ZW10: variants seen among roughly 807,000 people sequenced by gnomAD.
ZW10 encodes zw10 kinetochore protein, also known as centromere/kinetochore protein zw10 homolog.
In ZW10, 53 loss-of-function variants were observed where a neutral mutation model predicts 87.8. The ratio of observed to expected loss-of-function variants is 0.60; its 90% CI spans 0.48 to 0.76. The LOEUF is 0.76. Among genes scored for constraint, ZW10 ranks in the 30% least tolerant of loss-of-function variants. ZW10 has a pLI of 0.00. For synonymous variants in ZW10, 312 were observed against 329.2 expected (o/e 0.95, Z 0.57); for missense variants, 837 against 923.0 (o/e 0.91, Z 1.21).
At position 113,755,822 on chromosome 11, in the gene ZW10, C is replaced by G. The variant is rs1253573230; in HGVS notation, c.925+1840G>C. On this transcript the variant is annotated intron_variant, in intron 7 of 15. Transcript: ENST00000200135. ...CAGTCAGCAGCCATCAACATTGAGGCAAGACCCTTCACCAACAAAAAGATT... is the reference window on the plus strand; with the variant it reads ...CAGTCAGCAGCCATCAACATTGAGGGAAGACCCTTCACCAACAAAAAGATT... Among the ~76,000 whole-genome samples, 3 of 152,286 alleles carry G rather than the reference C, an allele frequency of 2.0e-5. No individual in the cohort carries two copies. The South Asian group carries it at 6.2e-4, about 32-fold the overall frequency.
chr11:113,741,449 G>A (rs1206847611), intron 11 of ZW10, among the ~76,000 whole-genome samples: 2 of 152,144 alleles, frequency 1.3e-5, no homozygotes, highest in Non-Finnish European at 2.9e-5. Flanking sequence ...AGCAAAACAA[G>A]GTAGTTCTTT....
At chr11:113,755,199 G>C (rs1156580343) in intron 7 of ZW10, among the ~76,000 whole-genome samples, 1 of 152,136 alleles carries the variant, frequency 6.6e-6, no homozygotes, top group Non-Finnish European at 1.5e-5. Context: ...TCCTCTGATG[G>C]ATCTGAGCAA....
At chr11:113,761,551 G>A (rs1032112791) in intron 2 of ZW10, among the ~76,000 whole-genome samples, 1 of 152,136 alleles carries the variant, frequency 6.6e-6, no homozygotes, top group Non-Finnish European at 1.5e-5. Context: ...AAAGTGCTGA[G>A]ATTGTAGGCA....
chr11:113,759,902 T>G (rs1041385910), intron 5 of ZW10, among the ~76,000 whole-genome samples: 2 of 152,122 alleles, frequency 1.3e-5, no homozygotes, highest in African/African-American at 4.8e-5. Context: ...AAACTTAATG[T>G]GGTCGCAAAT....
rs1591411778 is a variant in ZW10, at chr11:113,743,951, C to T, written c.1362G>A (p.Gln454=). The T allele has an allele frequency of 2.5e-6, 4 of 1,614,214 alleles. No individual in the cohort carries two copies. Among genetic ancestry groups the T allele is most frequent in the East Asian group, 4.5e-5 (2 of 44,878 alleles). Residue 454 remains glutamine, a synonymous_variant, in exon 10 of 16, where the codon CAG becomes CAA. Transcript: ENST00000200135. ...GCTCTAAATTCATCACTTCGTGGTA[C>T]TGAGTATTGGATACTTTCTGTACTT... ...KLEVQKVSNT[Q]YHEVMNLEPE...
In ZW10 at chr11:113,743,889, G is replaced by C; in HGVS notation, c.1424C>G (p.Pro475Arg). 1 of 1,614,070 alleles carries C rather than the reference G, an allele frequency of 6.2e-7. No homozygotes were observed. The highest frequency in any genetic ancestry group is 1.1e-5 in the South Asian group (1 of 91,074). ...CACAGACTCACTGATACGGCATGTGGGCAAGGAAAAGGAATGTTGGTCCAA... is the reference window on the plus strand; with the variant it reads ...CACAGACTCACTGATACGGCATGTGCGCAAGGAAAAGGAATGTTGGTCCAA... ...NTLDQHSFSL[P>R]TCRISESVKK... Residue 475 changes from proline to arginine, a missense_variant, in exon 10 of 16, where the codon CCC (proline) becomes CGC (arginine). Physicochemically the swap from Pro to Arg is moderately radical, Grantham distance 103. Coordinates refer to ENST00000200135, the MANE Select transcript of ZW10 (RefSeq NM_004724.4).
chr11:113,747,704 A>C lies in ZW10; in HGVS notation c.1099T>G (p.Ser367Ala), dbSNP rs1953694918. ...AGGGCATTTTCAAATTCTTCAGTGG[A>C]CTGTATGATCTGAGATACAAAAGAA... ...KLQQYEEIIQ[S>A]TEEFENALKE... is the part of the protein sequence containing the mutation. Residue 367 changes from serine to alanine, a missense_variant, in exon 9 of 16, where the codon TCC becomes GCC. Coordinates refer to ENST00000200135, the MANE Select transcript of ZW10 (RefSeq NM_004724.4). 1 of 1,607,354 alleles carries C rather than the reference A, an allele frequency of 6.2e-7. No individual in the cohort carries two copies.
chr11:113,756,290 A>T (rs1591418143), intron 7 of ZW10, among the ~76,000 whole-genome samples: 2 of 152,336 alleles, frequency 1.3e-5, no homozygotes, highest in Admixed American at 1.3e-4. Flanking sequence ...ATACCAGAAG[A>T]GCAATGAAGA....
chr11:113,772,912 G>A, intron 1 of ZW10, among the ~76,000 whole-genome samples: 1 of 151,782 alleles, frequency 6.6e-6, no homozygotes. Context: ...GCTTGAACCC[G>A]GGAGGCAGAG....
chr11:113,753,809 T>G (rs1178962010), intron 7 of ZW10, among the ~76,000 whole-genome samples: 1 of 152,208 alleles, frequency 6.6e-6, no homozygotes, highest in African/African-American at 2.4e-5. Flanking sequence ...CGCTCTTCAA[T>G]TCTATGAAGG....
intron 2 of ZW10, among the ~76,000 whole-genome samples, chr11:113,761,285 T>G (rs929044136): frequency 3.9e-5 from 6 of 152,144 alleles, no homozygotes; most frequent in Non-Finnish European, 7.3e-5. Flanking sequence ...AGGAATTTCT[T>G]TTTTTTAATT....
chr11:113,757,891 T>G (rs764773095), intron 6 of ZW10, 38 bp from the exon 7 acceptor site: 16 of 1,533,152 alleles, frequency 1.0e-5, no homozygotes, highest in Non-Finnish European at 1.4e-5. Flanking sequence ...AAAATCACCA[T>G]AAGACACTTC....
intron 7 of ZW10, among the ~76,000 whole-genome samples, chr11:113,753,701 T>C (rs1014045910): frequency 3.3e-5 from 5 of 152,200 alleles, no homozygotes; most frequent in African/African-American, 1.2e-4. Flanking sequence ...CCACTGTGCC[T>C]GGCAATTTAT....
At chr11:113,745,617 G>C (rs970893092) in intron 9 of ZW10, among the ~76,000 whole-genome samples, 7 of 152,176 alleles carry the variant, frequency 4.6e-5, no homozygotes, top group Non-Finnish European at 2.9e-5. Flanking sequence ...GCTAATCTTT[G>C]TCTGAAAAAT....
At chr11:113,761,454 A>AT (rs898090809) in intron 2 of ZW10, among the ~76,000 whole-genome samples, 14 of 152,066 alleles carry the variant, frequency 9.2e-5, no homozygotes, top group Admixed American at 5.2e-4. Context: ...TAATTTTTGT[A>AT]TTTTTTGATA....
At chr11:113,773,136 G>A (rs1482049539) in intron 1 of ZW10, among the ~76,000 whole-genome samples, 2 of 151,842 alleles carry the variant, frequency 1.3e-5, no homozygotes, top group Non-Finnish European at 2.9e-5. Flanking sequence ...ATGGAAGAAG[G>A]GGAAGGGGGA....
chr11:113,766,994 C>G lies in ZW10; in HGVS notation c.240+1839G>C, dbSNP rs7107111. ...ATCGCACCACACACTTCAGCCTGGG[C>G]AACAGAGTAAGAATCTGTCTCAAAA... On this transcript the variant is annotated intron_variant, in intron 2 of 15. Coordinates refer to ENST00000200135, the MANE Select transcript of ZW10 (RefSeq NM_004724.4). Among the ~76,000 whole-genome samples, 1,152 of 152,110 alleles carry G rather than the reference C, an allele frequency of 7.6e-3. 14 individuals carry two copies. The highest frequency in any genetic ancestry group is 0.026 in the African/African-American group (1,077 of 41,518).
In ZW10 at chr11:113,760,518, C is replaced by T; in HGVS notation, c.415G>A (p.Glu139Lys). 1 of 1,613,562 alleles carries T rather than the reference C, an allele frequency of 6.2e-7. No individual in the cohort carries two copies. ...TTGGGGAGAGCATTTAGTACCTCTT[C>T]CAGACGCTGAGCACCAGTGACATAC... ...KKYVTGAQRL[E>K]EAQKCLKLLK... The change falls in exon 4 of 16, where the codon GAA (glutamate) becomes AAA (lysine). Residue 139 changes from glutamate to lysine, a missense_variant. Glu to Lys is a moderately conservative substitution (Grantham distance 56, BLOSUM62 1). Transcript: ENST00000200135.
intron 2 of ZW10, among the ~76,000 whole-genome samples, chr11:113,766,348 G>T (rs1336347898): frequency 6.6e-6 from 1 of 151,800 alleles, no homozygotes; most frequent in African/African-American, 2.4e-5. Flanking sequence ...CTAGGCAACA[G>T]AGTGAAACCG....
Sources: allele counts gnomAD v4.1 joint callset (sites outside exome capture counted in the v4.1 genomes callset), GRCh38; gene constraint gnomAD v4.1.1; transcripts MANE v1.5; gene names NCBI Gene and HGNC (gene_info 2026-07-23, HGNC 2026-07-21).